The following NMNAT2 variants were observed in gnomAD, a reference collection of about 807,000 sequenced individuals.
NMNAT2 encodes the protein nicotinamide/nicotinic acid mononucleotide adenylyltransferase 2.
A neutral mutation model predicts 41.6 loss-of-function variants in NMNAT2; 11 were observed. The ratio of observed to expected loss-of-function variants is 0.26; its 90% CI spans 0.17 to 0.44. The LOEUF is 0.44. Ranked by LOEUF, NMNAT2 falls within the 20% of genes least tolerant of loss-of-function variation. The probability of loss-of-function intolerance (pLI) is 1.00; values close to 1 mark genes in which losing one functional copy is unlikely to be tolerated. For synonymous variants in NMNAT2, 148 were observed against 151.2 expected (o/e 0.98, Z 0.16); for missense variants, 288 against 407.7 (o/e 0.71, Z 2.53).
intron 1 of NMNAT2, among the ~76,000 whole-genome samples, chr1:183,329,858 T>C (rs1212280029): frequency 6.6e-6 from 1 of 152,162 alleles, no homozygotes; most frequent in Non-Finnish European, 1.5e-5. Flanking sequence ...AGCCATGGAA[T>C]TGGGGCTCAG....
At chr1:183,391,531 T>TAA (rs35180180) in intron 1 of NMNAT2, among the ~76,000 whole-genome samples, 14 of 151,408 alleles carry the variant, frequency 9.2e-5, no homozygotes, top group African/African-American at 2.9e-4. Flanking sequence ...TCTCTCATCT[T>TAA]AAAAAAAAAT....
chr1:183,354,240 CA>C (rs1663130819), intron 1 of NMNAT2, among the ~76,000 whole-genome samples: 1 of 151,824 alleles, frequency 6.6e-6, no homozygotes, highest in Non-Finnish European at 1.5e-5. Context: ...GGCTTGAAAA[CA>C]AAGAGATGAG....
chr1:183,368,204 A>G (rs1663455219), intron 1 of NMNAT2, among the ~76,000 whole-genome samples: 1 of 152,242 alleles, frequency 6.6e-6, no homozygotes. Context: ...GTCTTTCACC[A>G]CAGAGAGCTT....
At chr1:183,292,211 A>G (rs143162062) in intron 3 of NMNAT2, among the ~76,000 whole-genome samples, 7 of 152,346 alleles carry the variant, frequency 4.6e-5, no homozygotes, top group African/African-American at 7.2e-5. Flanking sequence ...CTTTAATTAC[A>G]CTGCAAGCTC....
At chr1:183,329,411 C>G (rs528201879) in intron 1 of NMNAT2, among the ~76,000 whole-genome samples, 27 of 152,202 alleles carry the variant, frequency 1.8e-4, no homozygotes, top group Non-Finnish European at 3.5e-4. Flanking sequence ...TCCATTTTAA[C>G]CCATTAAAGT....
Position 183,261,845 on chromosome 1 carries a change from T to C in NMNAT2, c.652-542A>G, listed in dbSNP as rs116155881. 4.5e-3 allele frequency among the ~76,000 whole-genome samples: 680 copies of C among 152,290 alleles called. 4 individuals carry two copies. Among genetic ancestry groups the C allele is most frequent in the African/African-American group, 0.016 (646 of 41,566 alleles). ...GCATCACTGGGCACCCAGGCTGTGA[T>C]AGGGAGATGATGATGATGATTAGGG... On this transcript the variant is annotated intron_variant, in intron 8 of 10. Transcript: ENST00000287713.
chr1:183,373,073 G>C (rs1323980369), intron 1 of NMNAT2, among the ~76,000 whole-genome samples: 1 of 152,244 alleles, frequency 6.6e-6, no homozygotes, highest in Non-Finnish European at 1.5e-5. Context: ...TATTGGGCCA[G>C]AGAGCCCTCA....
chr1:183,316,278 G>T (rs1662248036), intron 1 of NMNAT2, among the ~76,000 whole-genome samples: 1 of 152,156 alleles, frequency 6.6e-6, no homozygotes, highest in Admixed American at 6.5e-5. Flanking sequence ...AGAGGGAAAG[G>T]GTGGCAGGGC....
At chr1:183,411,239 C>T (rs751650515) in intron 1 of NMNAT2, among the ~76,000 whole-genome samples, 16 of 152,194 alleles carry the variant, frequency 1.1e-4, no homozygotes, top group Non-Finnish European at 2.2e-4. Flanking sequence ...TAGAGCCTTC[C>T]TGACTCTATC....
chr1:183,297,460 G>A (rs957188617), intron 1 of NMNAT2, among the ~76,000 whole-genome samples: 1 of 150,472 alleles, frequency 6.6e-6, no homozygotes, highest in Non-Finnish European at 1.5e-5. Flanking sequence ...TCGGCTCAGC[G>A]CAACCTCTGC....
intron 8 of NMNAT2, among the ~76,000 whole-genome samples, chr1:183,269,984 C>T (rs540043874): frequency 1.7e-4 from 26 of 152,166 alleles, no homozygotes; most frequent in Admixed American, 3.9e-4. Flanking sequence ...CCCGGGTTCA[C>T]GCCATTCTCC....
chr1:183,252,503 C>T lies in NMNAT2; in HGVS notation c.*138G>A. The T allele has an allele frequency of 1.6e-6, 1 of 611,502 alleles. No homozygotes were observed. The highest frequency in any genetic ancestry group is 1.6e-5 in the South Asian group (1 of 62,430). The allele number at this position is 611,502 out of a possible 1,614,324, so 37.9% of individuals were successfully genotyped here. Reference sequence around the variant, plus strand: ...GGGAATGCCATGGTTCTCTGCAGGTCCCCCACACTATGGGGGGTTAAGTCA... The same window carrying T: ...GGGAATGCCATGGTTCTCTGCAGGTTCCCCACACTATGGGGGGTTAAGTCA... On this transcript the variant is annotated 3_prime_UTR_variant, in exon 11 of 11. Coordinates refer to ENST00000287713, the MANE Select transcript of NMNAT2 (RefSeq NM_015039.4).
At chr1:183,411,049 C>T (rs1049512835) in intron 1 of NMNAT2, among the ~76,000 whole-genome samples, 1 of 152,128 alleles carries the variant, frequency 6.6e-6, no homozygotes, top group Non-Finnish European at 1.5e-5. Context: ...GTCCACTTGG[C>T]AGCTTCAACT....
At chr1:183,418,102 G>T in intron 1 of NMNAT2, 81 bp downstream of exon 1, 3 of 1,356,756 alleles carry the variant, frequency 2.2e-6, no homozygotes, top group South Asian at 2.4e-5. Flanking sequence ...ACGCCTTCCC[G>T]TTCGATCGCC....
intron 4 of NMNAT2, 107 bp from the exon 5 acceptor site, chr1:183,286,895 C>T: frequency 1.6e-6 from 2 of 1,230,514 alleles, no homozygotes; most frequent in Non-Finnish European, 2.2e-6. Flanking sequence ...CCACCCAGAG[C>T]TGAGGAAGAG....
At chr1:183,366,053 C>T (rs994211178) in intron 1 of NMNAT2, among the ~76,000 whole-genome samples, 2 of 152,196 alleles carry the variant, frequency 1.3e-5, no homozygotes, top group African/African-American at 2.4e-5. Flanking sequence ...TATACCACTA[C>T]ACCCTGGGGT....
chr1:183,356,683 A>G (rs1406724856), intron 1 of NMNAT2, among the ~76,000 whole-genome samples: 1 of 152,220 alleles, frequency 6.6e-6, no homozygotes, highest in Non-Finnish European at 1.5e-5. Context: ...CTGTATTCAT[A>G]CTATATAAAC....
chr1:183,362,637 T>A (rs1450082024), intron 1 of NMNAT2, among the ~76,000 whole-genome samples: 1 of 152,262 alleles, frequency 6.6e-6, no homozygotes, highest in Non-Finnish European at 1.5e-5. Context: ...AATATTCCAG[T>A]ATATAGATAT....
intron 10 of NMNAT2, among the ~76,000 whole-genome samples, chr1:183,258,151 G>C (rs1168052590): frequency 3.9e-5 from 6 of 152,202 alleles, no homozygotes; most frequent in Non-Finnish European, 7.3e-5. Flanking sequence ...AAGGACTCCA[G>C]TGACACATTT....
Sources: gnomAD v4.1 joint callset for allele counts (sites outside exome capture counted in the v4.1 genomes callset) on GRCh38, gnomAD v4.1.1 for gene constraint, MANE v1.5 for transcripts, NCBI Gene and HGNC (gene_info 2026-07-23, HGNC 2026-07-21) for gene names.